Variants in UST observed in about 807,000 individuals in gnomAD.
UST encodes the protein chondroitin sulfate 2-O-sulfotransferase.
Under a neutral mutation model 45.6 loss-of-function variants are expected in UST, and 21 were observed. That is an observed-to-expected ratio of 0.46 (90% CI 0.33 to 0.66). UST has a LOEUF of 0.66. Among genes scored for constraint, UST ranks in the 30% least tolerant of loss-of-function variants. The probability of loss-of-function intolerance (pLI) is 0.02; values close to 1 mark genes in which losing one functional copy is unlikely to be tolerated. For synonymous variants in UST, 215 were observed against 200.6 expected, an observed-to-expected ratio of 1.07 and a Z score of -0.61; for missense variants, 463 against 512.4, an observed-to-expected ratio of 0.90 and a Z score of 0.93.
At chr6:148,941,006 A>G (rs1437398442) in intron 2 of UST, among the ~76,000 whole-genome samples, 4 of 152,254 alleles carry the variant, frequency 2.6e-5, no homozygotes, top group African/African-American at 9.6e-5. Context: ...TTTAAAAAGA[A>G]ACAAAACAAG....
chr6:148,970,798 C>A (rs1039587154), intron 5 of UST, among the ~76,000 whole-genome samples: 11 of 152,162 alleles, frequency 7.2e-5, no homozygotes, highest in African/African-American at 2.7e-4. Context: ...TTGAGCCCCT[C>A]TTATGCTTCA....
chr6:149,069,992 A>G (rs147736558), intron 7 of UST, among the ~76,000 whole-genome samples: 1 of 152,380 alleles, frequency 6.6e-6, no homozygotes, highest in East Asian at 1.9e-4. Context: ...TGTGAAATAG[A>G]ACAGATTTCC....
At chr6:148,951,453 A>G (rs897504151) in intron 3 of UST, among the ~76,000 whole-genome samples, 10 of 152,230 alleles carry the variant, frequency 6.6e-5, no homozygotes, top group Admixed American at 6.5e-4. Context: ...TACTCAATGA[A>G]TGATGAGTGA....
chr6:148,980,200 T>C (rs1404040560), intron 5 of UST, among the ~76,000 whole-genome samples: 24 of 152,108 alleles, frequency 1.6e-4, no homozygotes, highest in Admixed American at 1.6e-3. Context: ...ATAACCTACA[T>C]ATATCACCTA....
intron 1 of UST, among the ~76,000 whole-genome samples, chr6:148,878,889 C>T (rs1778773705): frequency 6.6e-6 from 1 of 151,852 alleles, no homozygotes; most frequent in African/African-American, 2.4e-5. Flanking sequence ...CCAGGACTGA[C>T]AGAATATCCC....
chr6:148,967,058 AAGGTC>A (rs1780817986), intron 5 of UST, among the ~76,000 whole-genome samples: 1 of 152,118 alleles, frequency 6.6e-6, no homozygotes, highest in Non-Finnish European at 1.5e-5. Flanking sequence ...TTTTTTTAAA[AAGGTC>A]ATAAAATATT....
At chr6:148,923,441 T>A (rs1779753336) in intron 2 of UST, among the ~76,000 whole-genome samples, 1 of 152,228 alleles carries the variant, frequency 6.6e-6, no homozygotes, top group Non-Finnish European at 1.5e-5. Context: ...CCAACATTTG[T>A]CATTGTTCAT....
intron 1 of UST, among the ~76,000 whole-genome samples, chr6:148,762,946 A>G (rs2114660577): frequency 6.6e-6 from 1 of 152,284 alleles, no homozygotes; most frequent in Middle Eastern, 3.4e-3. Flanking sequence ...GCTGTTGTGA[A>G]TAGTGCTATG....
intron 1 of UST, among the ~76,000 whole-genome samples, chr6:148,866,161 TATTTAGTGATAACTAAATAA>T (rs1189874627): frequency 3.9e-4 from 38 of 97,082 alleles, no homozygotes; most frequent in Admixed American, 1.2e-3. Flanking sequence ...TAACTAAATA[TATTTAGTGATAACTAAATAA>T]ATTTAGTGAT....
In UST at chr6:148,787,874, ATTAC is replaced by A. The variant is rs575445233; in HGVS notation, c.247+40198_247+40201del. ...AAAAATTGTAATCAAAGCCACTGAT[ATTAC>A]ATGACAAATCTTTGTGAGTACTTTC... is the stretch of plus-strand genomic sequence containing the variant. On this transcript the variant is annotated intron_variant, in intron 1 of 7. Transcript: ENST00000367463. Among the ~76,000 whole-genome samples the A allele has an allele frequency of 9.6e-4, 147 of 152,336 alleles. 1 individual carries two copies. Among genetic ancestry groups the A allele is most frequent in the African/African-American group, 3.4e-3 (141 of 41,574 alleles).
At chr6:148,982,515 G>A (rs1428611652) in intron 5 of UST, among the ~76,000 whole-genome samples, 1 of 152,074 alleles carries the variant, frequency 6.6e-6, no homozygotes. Flanking sequence ...CCTGAGTTCT[G>A]GAGTGACCAC....
At chr6:148,796,166 A>G (rs1009659750) in intron 1 of UST, among the ~76,000 whole-genome samples, 1 of 152,186 alleles carries the variant, frequency 6.6e-6, no homozygotes, top group Non-Finnish European at 1.5e-5. Flanking sequence ...GATTGAGATG[A>G]GAAGCATGGC....
At chr6:149,026,359 A>G (rs1776051563) in intron 7 of UST, among the ~76,000 whole-genome samples, 1 of 152,180 alleles carries the variant, frequency 6.6e-6, no homozygotes, top group Non-Finnish European at 1.5e-5. Context: ...AAGCCAGCCC[A>G]GAGAAGTTGA....
intron 7 of UST, among the ~76,000 whole-genome samples, chr6:149,048,225 G>A (rs1273845910): frequency 2.0e-5 from 3 of 151,804 alleles, no homozygotes; most frequent in African/African-American, 7.3e-5. Flanking sequence ...AAGCATAAAA[G>A]CAGTAAAACA....
At chr6:148,816,940 C>A (rs1582830140) in intron 1 of UST, among the ~76,000 whole-genome samples, 1 of 152,284 alleles carries the variant, frequency 6.6e-6, no homozygotes, top group East Asian at 1.9e-4. Flanking sequence ...CCCTTGAAGT[C>A]ATGGCCCTTA....
intron 7 of UST, among the ~76,000 whole-genome samples, chr6:149,029,740 G>C (rs1385701074): frequency 6.6e-6 from 1 of 151,830 alleles, no homozygotes; most frequent in Non-Finnish European, 1.5e-5. Flanking sequence ...TAAAAACTCA[G>C]TTTTCATTGA....
intron 1 of UST, among the ~76,000 whole-genome samples, chr6:148,802,311 A>G (rs1013363559): frequency 3.3e-5 from 5 of 152,244 alleles, no homozygotes; most frequent in African/African-American, 9.6e-5. Flanking sequence ...AATTACTTTG[A>G]AAGTTTAGAT....
chr6:148,788,394 G>A (rs965292848), intron 1 of UST, among the ~76,000 whole-genome samples: 1 of 151,960 alleles, frequency 6.6e-6, no homozygotes, highest in Non-Finnish European at 1.5e-5. Context: ...TTATTAATTA[G>A]CCAGGATAAA....
At chr6:148,862,082 A>ATGGATC (rs1325877687) in intron 1 of UST, among the ~76,000 whole-genome samples, 4 of 152,166 alleles carry the variant, frequency 2.6e-5, no homozygotes, top group African/African-American at 9.7e-5. Context: ...GATCTGTCTA[A>ATGGATC]TGTTGACAGT....
Sources: gnomAD v4.1 joint callset for allele counts (sites outside exome capture counted in the v4.1 genomes callset) on GRCh38, gnomAD v4.1.1 for gene constraint, MANE v1.5 for transcripts, NCBI Gene and HGNC (gene_info 2026-07-23, HGNC 2026-07-21) for gene names.